The following CNOT9 variants were observed in gnomAD, a reference collection of about 807,000 sequenced individuals.
CNOT9 encodes CCR4-NOT transcription complex subunit 9.
Under a neutral mutation model 37.4 loss-of-function variants are expected in CNOT9, and 8 were observed. The ratio of observed to expected loss-of-function variants is 0.21; its 90% CI spans 0.13 to 0.39. The LOEUF is 0.39. Among genes scored for constraint, CNOT9 ranks in the 10% least tolerant of loss-of-function variants. CNOT9 has a pLI of 1.00. For synonymous variants in CNOT9, 120 were observed against 137.6 expected (o/e 0.87, Z 0.90); for missense variants, 154 against 365.3 (o/e 0.42, Z 4.71).
At chr2:218,589,202 A>G (rs1035114895) in intron 5 of CNOT9, 10 of 151,542 alleles carry the variant, frequency 6.6e-5, no homozygotes, top group Non-Finnish European at 1.3e-4. Context: ...TTGGCTTTTT[A>G]CTTTTAAATA....
chr2:218,594,342 C>T lies in CNOT9; in HGVS notation c.*66C>T. On this transcript the variant is annotated 3_prime_UTR_variant, in exon 8 of 8. Coordinates refer to ENST00000273064, the MANE Select transcript of CNOT9 (RefSeq NM_005444.3). ...AAGGAGGGGGAACCTACGAGAAAAA[C>T]AGCTCAGGTTTTATCACCGACTGGG... 2.0e-6 allele frequency: 3 copies of T among 1,505,702 alleles called. No individual in the cohort carries two copies. Among genetic ancestry groups the T allele is most frequent in the Non-Finnish European group, 2.7e-6 (3 of 1,112,180 alleles). The allele number at this position is 1,505,702 out of a possible 1,614,324, so 93.3% of individuals were successfully genotyped here.
intron 2 of CNOT9, chr2:218,581,174 T>C (rs1163619846): frequency 1.5e-4 from 41 of 277,572 alleles, no homozygotes; most frequent in African/African-American, 4.1e-4. Flanking sequence ...GTTTTTCTTT[T>C]TTTTTTTTTT....
At chr2:218,583,918 T>G (rs1694500300) in intron 3 of CNOT9, among the ~76,000 whole-genome samples, 1 of 152,238 alleles carries the variant, frequency 6.6e-6, no homozygotes, top group East Asian at 1.9e-4. Flanking sequence ...CAGAATGGTT[T>G]GTGTATCTGA....
At position 218,595,395 on chromosome 2, in the gene CNOT9, T is replaced by C. The variant is rs565229367; in HGVS notation, c.*1119T>C. 6.0e-5 allele frequency: 8 copies of C among 133,984 alleles called. No homozygotes were observed. The East Asian group carries it at 1.7e-3, about 29-fold the overall frequency. The allele number at this position is 133,984 out of a possible 1,614,324, so 8.3% of individuals were successfully genotyped here. ...TTGAAGATGGAGGGCTGGGTTCTGC[T>C]CACTCAGTCTTTTTTTTTTTTTTTT... On this transcript the variant is annotated 3_prime_UTR_variant, in exon 8 of 8. Transcript: ENST00000273064.
At chr2:218,581,209 C>T in intron 2 of CNOT9, 1 of 291,712 alleles carries the variant, frequency 3.4e-6, no homozygotes, top group Non-Finnish European at 7.0e-6. Context: ...CGCTCTGTCG[C>T]CCAGACTAGA....
In CNOT9 at chr2:218,595,187, G is replaced by GAC. The variant is rs1002060890; in HGVS notation, c.*912_*913dup. The GAC allele has an allele frequency of 7.2e-5, 11 of 152,106 alleles. No individual in the cohort carries two copies. The highest frequency in any genetic ancestry group is 2.7e-4 in the African/African-American group (11 of 41,422). 9.4% of individuals were successfully genotyped at this position (152,106 alleles called of 1,614,324 possible). The stretch of plus-strand genomic sequence containing the variant: ...TATTGGGAGACAAGGGGCGGTGGTG[G>GAC]ACCTCACCTTCAATCCAAGTTTTCA... On this transcript the variant is annotated 3_prime_UTR_variant, in exon 8 of 8. Coordinates refer to ENST00000273064, the MANE Select transcript of CNOT9 (RefSeq NM_005444.3).
intron 1 of CNOT9, among the ~76,000 whole-genome samples, chr2:218,577,222 T>A (rs1378405138): frequency 6.6e-6 from 1 of 152,240 alleles, no homozygotes; most frequent in African/African-American, 2.4e-5. Context: ...CTCTCATTTT[T>A]ATTTTTAAAA....
At chr2:218,586,258 C>T (rs905228409) in intron 4 of CNOT9, among the ~76,000 whole-genome samples, 2 of 152,112 alleles carry the variant, frequency 1.3e-5, no homozygotes, top group Non-Finnish European at 2.9e-5. Flanking sequence ...TGAAACCCTA[C>T]CCCCTCATGT....
At chr2:218,587,815 TA>T in intron 5 of CNOT9, 120 bp downstream of exon 5, 1 of 460,254 alleles carries the variant, frequency 2.2e-6, no homozygotes, top group Non-Finnish European at 3.7e-6. Context: ...CTGTTTTGAA[TA>T]AAAATTATTA....
At chr2:218,574,908 T>C (rs1006939355) in intron 1 of CNOT9, among the ~76,000 whole-genome samples, 36 of 152,168 alleles carry the variant, frequency 2.4e-4, no homozygotes, top group African/African-American at 8.2e-4. Flanking sequence ...AAGCGTACAC[T>C]TAAAATGAGT....
At chr2:218,578,887 G>A (rs576898133) in intron 1 of CNOT9, among the ~76,000 whole-genome samples, 1 of 152,214 alleles carries the variant, frequency 6.6e-6, no homozygotes, top group South Asian at 2.1e-4. Context: ...TCAAATTTGG[G>A]GGGAATATTG....
intron 1 of CNOT9, among the ~76,000 whole-genome samples, chr2:218,572,003 G>T (rs564396931): frequency 6.6e-6 from 1 of 151,504 alleles, no homozygotes; most frequent in Non-Finnish European, 1.5e-5. Flanking sequence ...TACCACACAG[G>T]ATTATTCTAA....
Position 218,595,313 on chromosome 2 carries a change from T to A in CNOT9, c.*1037T>A, listed in dbSNP as rs1694897336. On this transcript the variant is annotated 3_prime_UTR_variant, in exon 8 of 8. Transcript: ENST00000273064. Reference sequence around the variant, plus strand: ...TTTAGTGTGAATTTCAGCAGCTCCATCTGTCTTCATGATTGTACTTGAGCA... The same window carrying A: ...TTTAGTGTGAATTTCAGCAGCTCCAACTGTCTTCATGATTGTACTTGAGCA... 1 of 151,716 alleles carries A rather than the reference T, an allele frequency of 6.6e-6. No individual in the cohort carries two copies. The highest frequency in any genetic ancestry group is 1.5e-5 in the Non-Finnish European group (1 of 67,906). The allele number at this position is 151,716 out of a possible 1,614,324, so 9.4% of individuals were successfully genotyped here.
chr2:218,572,744 G>A (rs1694039374), intron 1 of CNOT9: 3 of 969,632 alleles, frequency 3.1e-6, no homozygotes, highest in South Asian at 9.6e-5. Flanking sequence ...GTTTTGTTTT[G>A]TTTTTAATTT....
chr2:218,588,547 C>T, intron 5 of CNOT9, among the ~76,000 whole-genome samples: 1 of 143,566 alleles, frequency 7.0e-6, no homozygotes. Flanking sequence ...CCTCAGCCTC[C>T]CAAAGTGCTG....
Position 218,573,318 on chromosome 2 carries a change from TAAAA to T in CNOT9, c.24+4357_24+4360del, listed in dbSNP as rs34596336. On this transcript the variant is annotated intron_variant, in intron 1 of 7. Transcript: ENST00000273064. ...GGGCAACAAGAGCGAAACTCCATCT[TAAAA>T]AAAAAAAAAAAAAAAAGATACATTC... Among the ~76,000 whole-genome samples the T allele has an allele frequency of 1.2e-3, 162 of 132,862 alleles. 1 individual carries two copies. The highest frequency in any genetic ancestry group is 4.8e-4 in the South Asian group (2 of 4,128). 87.2% of individuals were successfully genotyped at this position (132,862 alleles called of 152,430 possible).
rs1694929165 is a variant in CNOT9, at chr2:218,596,513, GCTT to G, written c.*2240_*2242del. The G allele has an allele frequency of 6.6e-6, 1 of 151,574 alleles. No individual in the cohort carries two copies. The highest frequency in any genetic ancestry group is 1.5e-5 in the Non-Finnish European group (1 of 68,070). The allele number at this position is 151,574 out of a possible 1,614,324, so 9.4% of individuals were successfully genotyped here. On this transcript the variant is annotated 3_prime_UTR_variant, in exon 8 of 8. Transcript: ENST00000273064. ...TGGTCAGGTGATCCTTGTCATGCCT[GCTT>G]CTCCCCTCTGTCTACCTACACAACA...
chr2:218,583,488 A>G (rs759770348), intron 3 of CNOT9, among the ~76,000 whole-genome samples: 1 of 152,176 alleles, frequency 6.6e-6, no homozygotes, highest in Non-Finnish European at 1.5e-5. Context: ...CACTGAACCC[A>G]GATTTGACTT....
chr2:218,570,587 TG>T (rs1693955500), intron 1 of CNOT9, among the ~76,000 whole-genome samples: 1 of 152,146 alleles, frequency 6.6e-6, no homozygotes, highest in Admixed American at 6.5e-5. Context: ...GAAAGATGAG[TG>T]TGCTGCTATT....
Sources: gnomAD v4.1 joint callset for allele counts (sites outside exome capture counted in the v4.1 genomes callset) on GRCh38, gnomAD v4.1.1 for gene constraint, MANE v1.5 for transcripts, NCBI Gene and HGNC (gene_info 2026-07-23, HGNC 2026-07-21) for gene names.